Variants in UNC79 observed in about 807,000 individuals in gnomAD.
UNC79 encodes the protein unc-79 subunit of NALCN channel complex.
Under a neutral mutation model 283.1 loss-of-function variants are expected in UNC79, and 37 were observed. The ratio of observed to expected loss-of-function variants is 0.13; its 90% confidence interval spans 0.10 to 0.17. The LOEUF (loss-of-function observed/expected upper bound fraction) is 0.17. UNC79 is among the 10% of genes least tolerant of loss of function. The pLI, the probability that UNC79 is intolerant of heterozygous loss-of-function variation, is 1.00. For missense variants in UNC79, 2,272 were observed against 3,211.1 expected, an observed-to-expected ratio of 0.71 and a Z score of 7.07; for synonymous variants, 1,107 against 1,200.2, an observed-to-expected ratio of 0.92 and a Z score of 1.61.
chr14:93,494,670 G>C (rs1951720), intron 5 of UNC79, among the ~76,000 whole-genome samples: 45,783 of 151,968 alleles, frequency 0.3, 7,313 homozygotes, highest in East Asian at 0.65. Context: ...GGGGAGAGCA[G>C]AGAATGAAAG....
intron 8 of UNC79, among the ~76,000 whole-genome samples, chr14:93,526,648 GA>G (rs1325091374): frequency 1.3e-5 from 2 of 152,126 alleles, no homozygotes; most frequent in African/African-American, 4.8e-5. Flanking sequence ...CATTAGTGTG[GA>G]TGTAAACCAA....
At chr14:93,405,830 G>A (rs944053940) in intron 1 of UNC79, among the ~76,000 whole-genome samples, 1 of 152,180 alleles carries the variant, frequency 6.6e-6, no homozygotes, top group African/African-American at 2.4e-5. Flanking sequence ...ATAGTTAAAT[G>A]TTTAACTCAA....
intron 14 of UNC79, among the ~76,000 whole-genome samples, chr14:93,549,369 C>T (rs1307390062): frequency 6.6e-6 from 1 of 152,016 alleles, no homozygotes; most frequent in African/African-American, 2.4e-5. Flanking sequence ...GAGTAGTAAG[C>T]CCAGGTAGAA....
chr14:93,516,451 G>GT (rs1491264120), intron 7 of UNC79, among the ~76,000 whole-genome samples: 5 of 9,664 alleles, frequency 5.2e-4, no homozygotes, highest in Non-Finnish European at 1.3e-3. Flanking sequence ...TATTTTTTTT[G>GT]GGGGGGGGGG....
intron 7 of UNC79, among the ~76,000 whole-genome samples, chr14:93,506,733 CT>C (rs1379258758): frequency 2.0e-5 from 3 of 152,058 alleles, no homozygotes; most frequent in African/African-American, 7.2e-5. Flanking sequence ...GCTTATCTCT[CT>C]TTTGTTAGTG....
intron 7 of UNC79, among the ~76,000 whole-genome samples, chr14:93,510,011 C>A (rs1337242931): frequency 6.6e-6 from 1 of 152,220 alleles, no homozygotes; most frequent in Non-Finnish European, 1.5e-5. Context: ...GGCTCCCAAG[C>A]CTCAACTCTT....
chr14:93,526,836 G>C (rs961546212), intron 8 of UNC79, among the ~76,000 whole-genome samples: 1 of 152,012 alleles, frequency 6.6e-6, no homozygotes, highest in African/African-American at 2.4e-5. Flanking sequence ...ACGTGAGAGA[G>C]GTATCAATGA....
At chr14:93,510,221 AGGCCTTGG>A (rs2059755001) in intron 7 of UNC79, among the ~76,000 whole-genome samples, 1 of 152,190 alleles carries the variant, frequency 6.6e-6, no homozygotes, top group Non-Finnish European at 1.5e-5. Flanking sequence ...CTTCCCTCCT[AGGCCTTGG>A]GGCCTGCCGT....
chr14:93,624,953 G>T lies in UNC79; in HGVS notation c.5608+2112G>T, dbSNP rs74073841. ...TCACTGTGCACTTCACTCTGTTTACGTCAGTCCCTAGAGTACTGGGTCGTC... is the reference window on the plus strand; with the variant it reads ...TCACTGTGCACTTCACTCTGTTTACTTCAGTCCCTAGAGTACTGGGTCGTC... On this transcript the variant is annotated intron_variant, in intron 30 of 48. Coordinates refer to ENST00000555664, the Ensembl canonical transcript of UNC79. 2.8e-3 allele frequency among the ~76,000 whole-genome samples: 425 copies of T among 152,262 alleles called. 3 individuals carry two copies. Among genetic ancestry groups the T allele is most frequent in the African/African-American group, 9.7e-3 (404 of 41,542 alleles).
chr14:93,497,533 G>T (rs1402981577), intron 7 of UNC79, among the ~76,000 whole-genome samples: 3 of 152,220 alleles, frequency 2.0e-5, no homozygotes, highest in African/African-American at 7.2e-5. Flanking sequence ...CTGGCTGAGG[G>T]TCTTAACTCT....
At chr14:93,627,111 G>A (rs1036021672) in intron 30 of UNC79, among the ~76,000 whole-genome samples, 9 of 152,300 alleles carry the variant, frequency 5.9e-5, no homozygotes, top group African/African-American at 2.2e-4. Context: ...CACCCAAAGA[G>A]CAGTTGTCAA....
intron 22 of UNC79, among the ~76,000 whole-genome samples, chr14:93,587,417 C>T (rs2064299321): frequency 6.6e-6 from 1 of 152,106 alleles, no homozygotes; most frequent in African/African-American, 2.4e-5. Flanking sequence ...ATAACTTTTG[C>T]AATCTTCCTG....
chr14:93,498,316 T>C (rs1186782217), intron 7 of UNC79, among the ~76,000 whole-genome samples: 2 of 151,202 alleles, frequency 1.3e-5, no homozygotes, highest in Non-Finnish European at 2.9e-5. Context: ...AGGTCAGGCG[T>C]GGTGGCTCAC....
At chr14:93,590,090 C>T (rs552243981) in intron 22 of UNC79, among the ~76,000 whole-genome samples, 2 of 152,240 alleles carry the variant, frequency 1.3e-5, no homozygotes, top group East Asian at 3.9e-4. Flanking sequence ...GGTCTTCTTC[C>T]CTGTGTGTCC....
chr14:93,661,808 G>A (rs1258913794), intron 39 of UNC79, among the ~76,000 whole-genome samples: 1 of 152,118 alleles, frequency 6.6e-6, no homozygotes, highest in Middle Eastern at 3.2e-3. Context: ...CTTTTACAGA[G>A]GAGAAAACCA....
At chr14:93,659,719 C>T (rs368259770) in intron 39 of UNC79, among the ~76,000 whole-genome samples, 5 of 152,144 alleles carry the variant, frequency 3.3e-5, no homozygotes, top group African/African-American at 9.7e-5. Context: ...TCAGAATCAG[C>T]GTTATCATCA....
chr14:93,422,434 A>G (rs1352807475), intron 1 of UNC79, among the ~76,000 whole-genome samples: 1 of 152,144 alleles, frequency 6.6e-6, no homozygotes, highest in African/African-American at 2.4e-5. Flanking sequence ...ATCAGACTTA[A>G]GGTCTGTGTT....
intron 14 of UNC79, among the ~76,000 whole-genome samples, chr14:93,560,818 T>A (rs982907745): frequency 6.6e-6 from 1 of 152,102 alleles, no homozygotes; most frequent in Non-Finnish European, 1.5e-5. Flanking sequence ...AGGGGTGTCT[T>A]GTACCCAGAC....
chr14:93,431,082 C>T (rs2055854859), intron 1 of UNC79, 31 bp downstream of exon 1: 2 of 692,052 alleles, frequency 2.9e-6, no homozygotes, highest in African/African-American at 1.8e-5. Context: ...CATTCCGGCC[C>T]GGCCTCGGCT....
Sources: allele counts gnomAD v4.1 joint callset (sites outside exome capture counted in the v4.1 genomes callset), GRCh38; gene constraint gnomAD v4.1.1; transcripts MANE v1.5; gene names NCBI Gene and HGNC (gene_info 2026-07-23, HGNC 2026-07-21).